TSPAN5: variants seen among roughly 807,000 people sequenced by gnomAD.
TSPAN5 encodes tetraspanin-5.
In TSPAN5, 10 loss-of-function variants were observed where a neutral mutation model predicts 37.1. The ratio of observed to expected loss-of-function variants is 0.27; its 90% CI spans 0.17 to 0.46. TSPAN5 has a LOEUF of 0.46. Ranked by LOEUF, TSPAN5 falls within the 20% of genes least tolerant of loss-of-function variation. The pLI is 1.00. For missense variants in TSPAN5, 195 were observed against 326.6 expected (o/e 0.60, Z 3.11); for synonymous variants, 110 against 118.9 (o/e 0.93, Z 0.48).
chr4:98,635,200 G>A (rs943930946), intron 1 of TSPAN5, among the ~76,000 whole-genome samples: 4 of 152,184 alleles, frequency 2.6e-5, no homozygotes, highest in Non-Finnish European at 5.9e-5. Context: ...AGTCATTCAT[G>A]CATTCAAAAC....
At chr4:98,531,563 C>T (rs1754090975) in intron 1 of TSPAN5, among the ~76,000 whole-genome samples, 1 of 152,106 alleles carries the variant, frequency 6.6e-6, no homozygotes, top group African/African-American at 2.4e-5. Context: ...GATTTATAAT[C>T]CTTTGGGTAT....
chr4:98,626,275 G>A (rs570767863), intron 1 of TSPAN5, among the ~76,000 whole-genome samples: 1 of 152,234 alleles, frequency 6.6e-6, no homozygotes, highest in Admixed American at 6.5e-5. Flanking sequence ...TCCCCTTTAT[G>A]TGCTAATAGG....
chr4:98,654,940 G>T (rs907342255), intron 1 of TSPAN5, among the ~76,000 whole-genome samples: 2 of 152,046 alleles, frequency 1.3e-5, no homozygotes, highest in Non-Finnish European at 2.9e-5. Flanking sequence ...TCCACCTCCC[G>T]GGTTCAAGTG....
At chr4:98,544,425 G>C (rs1448412293) in intron 1 of TSPAN5, among the ~76,000 whole-genome samples, 1 of 152,028 alleles carries the variant, frequency 6.6e-6, no homozygotes, top group East Asian at 1.9e-4. Context: ...GTGTGTATAG[G>C]GGAAGCCATG....
At chr4:98,524,061 T>A (rs2110120616) in intron 1 of TSPAN5, among the ~76,000 whole-genome samples, 1 of 152,250 alleles carries the variant, frequency 6.6e-6, no homozygotes, top group South Asian at 2.1e-4. Context: ...AATTAAAAAG[T>A]CTCTTACCTA....
intron 1 of TSPAN5, among the ~76,000 whole-genome samples, chr4:98,590,600 C>T (rs902101249): frequency 1.3e-5 from 2 of 151,882 alleles, no homozygotes; most frequent in Non-Finnish European, 2.9e-5. Context: ...GTCCCAGCTA[C>T]TCAGGAGGCT....
chr4:98,615,549 G>C (rs1432325181), intron 1 of TSPAN5, among the ~76,000 whole-genome samples: 1 of 152,200 alleles, frequency 6.6e-6, no homozygotes, highest in South Asian at 2.1e-4. Flanking sequence ...CCGGGCGCAT[G>C]GTGGCTCATG....
At chr4:98,540,628 G>A (rs1000172389) in intron 1 of TSPAN5, among the ~76,000 whole-genome samples, 7 of 152,112 alleles carry the variant, frequency 4.6e-5, no homozygotes, top group African/African-American at 1.4e-4. Context: ...GTGAGCCACC[G>A]TGCCCAGCCC....
At chr4:98,600,160 T>G (rs28877576) in intron 1 of TSPAN5, among the ~76,000 whole-genome samples, 1,651 of 152,326 alleles carry the variant, frequency 0.011, 23 homozygotes, top group African/African-American at 0.038. Context: ...AAATACTTTA[T>G]AGCCAAAAAT....
At chr4:98,546,703 G>A (rs1360633369) in intron 1 of TSPAN5, among the ~76,000 whole-genome samples, 1 of 152,136 alleles carries the variant, frequency 6.6e-6, no homozygotes, top group East Asian at 1.9e-4. Flanking sequence ...GGGAGAGAGA[G>A]AGAGAGAAGT....
chr4:98,545,849 C>G (rs1005198898), intron 1 of TSPAN5, among the ~76,000 whole-genome samples: 1 of 152,022 alleles, frequency 6.6e-6, no homozygotes, highest in African/African-American at 2.4e-5. Flanking sequence ...TCTTAATAGG[C>G]TCAACATAAG....
intron 1 of TSPAN5, among the ~76,000 whole-genome samples, chr4:98,516,490 A>G (rs1324533158): frequency 6.6e-6 from 1 of 152,196 alleles, no homozygotes; most frequent in African/African-American, 2.4e-5. Context: ...GTTCCATGCA[A>G]TCCCCTGGGC....
At chr4:98,612,545 A>G (rs532341257) in intron 1 of TSPAN5, among the ~76,000 whole-genome samples, 1 of 152,330 alleles carries the variant, frequency 6.6e-6, no homozygotes, top group East Asian at 1.9e-4. Context: ...AGACCTAAAC[A>G]GTGACACTGC....
chr4:98,534,764 T>C (rs1469653357), intron 1 of TSPAN5, among the ~76,000 whole-genome samples: 1 of 152,248 alleles, frequency 6.6e-6, no homozygotes, highest in Non-Finnish European at 1.5e-5. Flanking sequence ...CCTTTATCAC[T>C]ATGTAATGCC....
chr4:98,610,969 C>T (rs1332295971), intron 1 of TSPAN5, among the ~76,000 whole-genome samples: 1 of 152,204 alleles, frequency 6.6e-6, no homozygotes. Flanking sequence ...GTGACTATAC[C>T]GTGATGTGAT....
chr4:98,593,204 T>C (rs1388787961), intron 1 of TSPAN5, among the ~76,000 whole-genome samples: 3 of 11,622 alleles, frequency 2.6e-4, no homozygotes, highest in African/African-American at 8.6e-4. Flanking sequence ...ATGAGCATTT[T>C]TTCATGTGTT....
chr4:98,632,579 C>G (rs1044731338), intron 1 of TSPAN5, among the ~76,000 whole-genome samples: 4 of 152,164 alleles, frequency 2.6e-5, no homozygotes, highest in Admixed American at 2.6e-4. Flanking sequence ...TTCGAAAACC[C>G]TGCCCTGAGT....
chr4:98,650,905 A>AT (rs763813286), intron 1 of TSPAN5, among the ~76,000 whole-genome samples: 2 of 152,234 alleles, frequency 1.3e-5, no homozygotes, highest in African/African-American at 4.8e-5. Flanking sequence ...ACCTAGGGCC[A>AT]TTTTAAATAA....
chr4:98,527,680 G>A (rs978702866), intron 1 of TSPAN5, among the ~76,000 whole-genome samples: 1 of 152,094 alleles, frequency 6.6e-6, no homozygotes, highest in African/African-American at 2.4e-5. Context: ...TCACCCCTAC[G>A]TGCTCTGTCT....
Sources: allele counts gnomAD v4.1 joint callset (sites outside exome capture counted in the v4.1 genomes callset), GRCh38; gene constraint gnomAD v4.1.1; transcripts MANE v1.5; gene names NCBI Gene and HGNC (gene_info 2026-07-23, HGNC 2026-07-21).